Variants in GALNT13 observed in about 807,000 individuals in gnomAD.
The protein encoded by GALNT13 is polypeptide N-acetylgalactosaminyltransferase 13.
GALNT13 carries 28 observed loss-of-function variants against 64.2 expected under a neutral mutation model. That is an observed-to-expected ratio of 0.44 (90% CI 0.32 to 0.60). The LOEUF (loss-of-function observed/expected upper bound fraction) is 0.60, where lower values mean the gene tolerates loss of function less well. Ranked by LOEUF, GALNT13 falls within the 20% of genes least tolerant of loss-of-function variation. GALNT13 has a pLI of 0.05. For synonymous variants in GALNT13, 214 were observed against 224.6 expected (o/e 0.95, Z 0.42); for missense variants, 577 against 669.8 (o/e 0.86, Z 1.53).
At chr2:153,409,067 A>T in the GALNT13 span, among the ~76,000 whole-genome samples, 1 of 151,870 alleles carries the variant, frequency 6.6e-6, no homozygotes, top group Non-Finnish European at 1.5e-5. Context: ...AGGCTCTTGG[A>T]CTTACACTAG....
intron 3 of GALNT13, among the ~76,000 whole-genome samples, chr2:153,952,745 G>T (rs888577870): frequency 2.0e-5 from 3 of 148,186 alleles, no homozygotes; most frequent in Admixed American, 6.7e-5. Context: ...GCAAGCTGAG[G>T]AGCAAGAAAG....
chr2:153,356,016 G>A, the GALNT13 span, among the ~76,000 whole-genome samples: 1 of 152,116 alleles, frequency 6.6e-6, no homozygotes, highest in Non-Finnish European at 1.5e-5. Context: ...GGGGTCTTAG[G>A]CGTCTCTAAG....
At chr2:153,223,341 A>G in the GALNT13 span, among the ~76,000 whole-genome samples, 11 of 152,224 alleles carry the variant, frequency 7.2e-5, no homozygotes, top group Non-Finnish European at 1.5e-4. Flanking sequence ...AATTAATAGT[A>G]TCGAATTTTC....
intron 4 of GALNT13, among the ~76,000 whole-genome samples, chr2:154,219,861 A>AGTC (rs1688235110): frequency 1.3e-5 from 2 of 152,088 alleles, no homozygotes; most frequent in Non-Finnish European, 2.9e-5. Flanking sequence ...TGAAGCCTTC[A>AGTC]GTCTATGGAC....
intron 2 of GALNT13, among the ~76,000 whole-genome samples, chr2:153,917,337 A>G (rs1689427342): frequency 6.6e-6 from 1 of 152,132 alleles, no homozygotes; most frequent in African/African-American, 2.4e-5. Context: ...ACTGCTACCT[A>G]TAGCGGTAAT....
chr2:154,401,274 A>T (rs1699291165), intron 10 of GALNT13, among the ~76,000 whole-genome samples: 1 of 152,142 alleles, frequency 6.6e-6, no homozygotes, highest in Admixed American at 6.5e-5. Flanking sequence ...TTACTGCCAA[A>T]TGCAGAAGCT....
At chr2:153,628,732 G>C in the GALNT13 span, among the ~76,000 whole-genome samples, 8 of 152,152 alleles carry the variant, frequency 5.3e-5, no homozygotes, top group East Asian at 1.2e-3. Context: ...TTGATGTGCT[G>C]CTGGATTTCG....
chr2:153,673,579 A>T, the GALNT13 span, among the ~76,000 whole-genome samples: 1 of 152,214 alleles, frequency 6.6e-6, no homozygotes, highest in South Asian at 2.1e-4. Context: ...AGAGCTATTT[A>T]TGACAAACCA....
At chr2:153,897,630 T>G (rs959090768) in intron 1 of GALNT13, among the ~76,000 whole-genome samples, 29 of 152,222 alleles carry the variant, frequency 1.9e-4, no homozygotes, top group Non-Finnish European at 2.9e-5. Context: ...CACACTTTCA[T>G]GCGCTGGTGC....
At chr2:153,081,552 C>G in the GALNT13 span, among the ~76,000 whole-genome samples, 1 of 152,154 alleles carries the variant, frequency 6.6e-6, no homozygotes, top group African/African-American at 2.4e-5. Context: ...CATCCTTCCA[C>G]TCTCTATGTC....
chr2:154,176,548 G>A (rs544301970), intron 4 of GALNT13, among the ~76,000 whole-genome samples: 8 of 151,822 alleles, frequency 5.3e-5, no homozygotes, highest in East Asian at 1.9e-4. Context: ...CACCACACCC[G>A]GCCTAGAACA....
chr2:154,456,573 A>T (rs1424446237), downstream of GALNT13, among the ~76,000 whole-genome samples: 1 of 152,092 alleles, frequency 6.6e-6, no homozygotes, highest in Non-Finnish European at 1.5e-5. Flanking sequence ...GCACCAAGAA[A>T]ATGTTGTGTT....
At chr2:154,400,346 C>T (rs1276018345) in intron 10 of GALNT13, among the ~76,000 whole-genome samples, 1 of 152,134 alleles carries the variant, frequency 6.6e-6, no homozygotes. Flanking sequence ...TTGTACTTCT[C>T]ACTGAATTTG....
At chr2:153,129,000 G>T in the GALNT13 span, among the ~76,000 whole-genome samples, 1 of 152,036 alleles carries the variant, frequency 6.6e-6, no homozygotes, top group African/African-American at 2.4e-5. Context: ...ATGAGATTTG[G>T]GTTGGAACAG....
At chr2:153,492,701 C>T in the GALNT13 span, among the ~76,000 whole-genome samples, 1 of 152,134 alleles carries the variant, frequency 6.6e-6, no homozygotes, top group South Asian at 2.1e-4. Context: ...ATAGTCTTGA[C>T]TCAATAGATA....
At chr2:153,616,270 A>T in the GALNT13 span, among the ~76,000 whole-genome samples, 1 of 151,670 alleles carries the variant, frequency 6.6e-6, no homozygotes, top group Non-Finnish European at 1.5e-5. Context: ...TGGGTTGTCT[A>T]TTCTGTTCCA....
chr2:153,147,530 G>A, the GALNT13 span, among the ~76,000 whole-genome samples: 2 of 147,474 alleles, frequency 1.4e-5, no homozygotes, highest in Non-Finnish European at 3.0e-5. Flanking sequence ...AGGAGTTCAG[G>A]AAGCATTAGA....
intron 2 of GALNT13, among the ~76,000 whole-genome samples, chr2:153,903,027 T>G (rs987056888): frequency 5.3e-5 from 8 of 152,092 alleles, no homozygotes; most frequent in African/African-American, 1.9e-4. Flanking sequence ...AGTTTACCCT[T>G]TCTTTAGATA....
chr2:153,900,074 T>C (rs566065893), intron 1 of GALNT13, among the ~76,000 whole-genome samples: 1 of 151,646 alleles, frequency 6.6e-6, no homozygotes, highest in East Asian at 1.9e-4. Context: ...TAGCTGGGAC[T>C]ACAGGCACTC....
Sources: allele counts gnomAD v4.1 joint callset (sites outside exome capture counted in the v4.1 genomes callset), GRCh38; gene constraint gnomAD v4.1.1; transcripts MANE v1.5; gene names NCBI Gene and HGNC (gene_info 2026-07-23, HGNC 2026-07-21).